The following KDM4C variants were observed in gnomAD, a reference collection of about 807,000 sequenced individuals.
The protein encoded by KDM4C is lysine demethylase 4C, also known as lysine-specific demethylase 4C.
A neutral mutation model predicts 129.3 loss-of-function variants in KDM4C; 81 were observed. The ratio of observed to expected loss-of-function variants is 0.63; its 90% CI spans 0.52 to 0.75. KDM4C has a LOEUF of 0.75. KDM4C is among the 30% of genes least tolerant of loss of function. The pLI, the probability that KDM4C is intolerant of heterozygous loss-of-function variation, is 0.00. For synonymous variants in KDM4C, 573 were observed against 456.1 expected (o/e 1.26, Z -3.26); for missense variants, 1,457 against 1,304.0 (o/e 1.12, Z -1.81).
At chr9:6,846,145 A>G (rs548022464) in intron 4 of KDM4C, among the ~76,000 whole-genome samples, 4 of 152,228 alleles carry the variant, frequency 2.6e-5, no homozygotes, top group Admixed American at 6.5e-5. Flanking sequence ...TTTGTTGACA[A>G]TGATGCTGAG....
chr9:7,125,853 A>G (rs566322902), intron 18 of KDM4C, among the ~76,000 whole-genome samples: 2 of 152,292 alleles, frequency 1.3e-5, no homozygotes, highest in East Asian at 3.9e-4. Context: ...AGCTCATGAC[A>G]TCAAACAAAT....
intron 1 of KDM4C, among the ~76,000 whole-genome samples, chr9:6,765,392 A>G (rs967529563): frequency 3.9e-5 from 6 of 151,940 alleles, no homozygotes; most frequent in African/African-American, 9.7e-5. Flanking sequence ...CCTGTTACTC[A>G]TTTCTCTTCT....
At chr9:6,865,045 A>T (rs867315594) in intron 5 of KDM4C, among the ~76,000 whole-genome samples, 2 of 121,718 alleles carry the variant, frequency 1.6e-5, no homozygotes, top group Admixed American at 9.9e-5. Flanking sequence ...GTCTTGCTCT[A>T]TTGCCCAAGC....
intron 8 of KDM4C, among the ~76,000 whole-genome samples, chr9:6,916,230 A>G (rs1032093126): frequency 1.8e-5 from 2 of 113,830 alleles, no homozygotes; most frequent in African/African-American, 2.7e-5. Flanking sequence ...AAAGTTTTAC[A>G]GAGTTATCCG....
chr9:7,038,428 C>T (rs1006682569), intron 15 of KDM4C, among the ~76,000 whole-genome samples: 1 of 152,048 alleles, frequency 6.6e-6, no homozygotes, highest in African/African-American at 2.4e-5. Flanking sequence ...ATTTATTTAA[C>T]TTTCCTTAGT....
intron 8 of KDM4C, among the ~76,000 whole-genome samples, chr9:6,942,188 T>C (rs1826070969): frequency 6.6e-6 from 1 of 152,158 alleles, no homozygotes; most frequent in African/African-American, 2.4e-5. Context: ...TTGTAATTTA[T>C]TAAACTTACC....
Position 7,082,192 on chromosome 9 carries a change from A to C in KDM4C, c.2425-21493A>C, listed in dbSNP as rs554367911. On this transcript the variant is annotated intron_variant, in intron 17 of 21. Transcript: ENST00000381309. ...CTGAGTTTATACTCAGGAAAGGCTTAAATTATGAATGAATCCTCCTGGAAT... is the reference window on the plus strand; with the variant it reads ...CTGAGTTTATACTCAGGAAAGGCTTCAATTATGAATGAATCCTCCTGGAAT... Among the ~76,000 whole-genome samples the C allele has an allele frequency of 9.2e-5, 14 of 152,288 alleles. No homozygotes were observed. The East Asian group carries it at 2.7e-3, about 29-fold the overall frequency.
intron 8 of KDM4C, among the ~76,000 whole-genome samples, chr9:6,915,155 A>G (rs558940598): frequency 6.6e-6 from 1 of 152,162 alleles, no homozygotes; most frequent in Non-Finnish European, 1.5e-5. Context: ...TACTACTTCA[A>G]AGATACTTTA....
intron 8 of KDM4C, among the ~76,000 whole-genome samples, chr9:6,899,242 C>G (rs942728625): frequency 1.3e-5 from 2 of 151,994 alleles, no homozygotes; most frequent in African/African-American, 2.4e-5. Flanking sequence ...TTCCCCTTCT[C>G]CCCACATGTG....
chr9:7,104,901 C>T (rs1837506941), intron 18 of KDM4C, among the ~76,000 whole-genome samples: 1 of 152,086 alleles, frequency 6.6e-6, no homozygotes, highest in Non-Finnish European at 1.5e-5. Flanking sequence ...TTTCCATTGA[C>T]ATCTTGAGAG....
chr9:6,984,669 T>G (rs1817372896), intron 10 of KDM4C, among the ~76,000 whole-genome samples: 1 of 151,840 alleles, frequency 6.6e-6, no homozygotes, highest in Admixed American at 6.6e-5. Flanking sequence ...AAAATGAGTT[T>G]TTTTTTTTTC....
intron 4 of KDM4C, among the ~76,000 whole-genome samples, chr9:6,818,655 C>A (rs776652351): frequency 1.8e-4 from 28 of 152,178 alleles, no homozygotes; most frequent in Non-Finnish European, 3.4e-4. Flanking sequence ...AGGAATGTGG[C>A]ATCTTGCCTT....
rs34443147 is a variant in KDM4C, at chr9:6,889,211, TTGTGTGTGTGTG to T, written c.783+1177_783+1188del. Among the ~76,000 whole-genome samples, 13 of 61,552 alleles carry T rather than the reference TTGTGTGTGTGTG, an allele frequency of 2.1e-4. No homozygotes were observed. In the East Asian group the frequency reaches 2.4e-3, roughly 11 times the overall value. 40.4% of individuals were successfully genotyped at this position (61,552 alleles called of 152,430 possible). On this transcript the variant is annotated intron_variant, in intron 7 of 21. Transcript: ENST00000381309. ...TTAGGTTCTTACTGTGGCCTTCTTT[TTGTGTGTGTGTG>T]TGTGTGTGTGTGTGTGTGTGTGTGT... is the stretch of plus-strand genomic sequence containing the variant.
chr9:6,735,914 T>C (rs1301059292), intron 1 of KDM4C, among the ~76,000 whole-genome samples: 5 of 152,150 alleles, frequency 3.3e-5, no homozygotes, highest in Non-Finnish European at 1.5e-5. Flanking sequence ...AGAGACTTGT[T>C]GAATGGCTTT....
intron 5 of KDM4C, among the ~76,000 whole-genome samples, chr9:6,855,044 AAC>A (rs1249579988): frequency 2.0e-5 from 3 of 152,226 alleles, no homozygotes; most frequent in Non-Finnish European, 4.4e-5. Flanking sequence ...CTGGAGATGT[AAC>A]ACAGTGCTCA....
At chr9:7,032,220 C>T (rs753140358) in intron 15 of KDM4C, among the ~76,000 whole-genome samples, 19 of 152,296 alleles carry the variant, frequency 1.2e-4, no homozygotes, top group South Asian at 2.1e-4. Context: ...AGGCACATCT[C>T]GTAAGAAGCA....
intron 8 of KDM4C, among the ~76,000 whole-genome samples, chr9:6,945,219 C>A (rs1394164035): frequency 6.6e-6 from 1 of 152,036 alleles, no homozygotes; most frequent in African/African-American, 2.4e-5. Context: ...CTCATTTTTT[C>A]CTTGTTAGTC....
intron 1 of KDM4C, among the ~76,000 whole-genome samples, chr9:6,741,335 C>G (rs1817685652): frequency 6.6e-6 from 1 of 152,036 alleles, no homozygotes. Flanking sequence ...GCGGAGGTTG[C>G]AGTGGGCAGA....
At chr9:7,146,963 C>G (rs2130017809) in intron 19 of KDM4C, among the ~76,000 whole-genome samples, 1 of 152,336 alleles carries the variant, frequency 6.6e-6, no homozygotes, top group East Asian at 1.9e-4. Context: ...AGGGTTTTGT[C>G]TCCTCCCTAT....
Sources: allele counts gnomAD v4.1 joint callset (sites outside exome capture counted in the v4.1 genomes callset), GRCh38; gene constraint gnomAD v4.1.1; transcripts MANE v1.5; gene names NCBI Gene and HGNC (gene_info 2026-07-23, HGNC 2026-07-21).